Variants in CLPTM1 observed in about 807,000 individuals in gnomAD.
CLPTM1 encodes the protein CLPTM1 regulator of GABA type A receptor forward trafficking.
CLPTM1 carries 21 observed loss-of-function variants against 77.3 expected under a neutral mutation model. That is an observed-to-expected ratio of 0.27 (90% confidence interval 0.19 to 0.39). CLPTM1 has a LOEUF of 0.39. Ranked by LOEUF, CLPTM1 falls within the 10% of genes least tolerant of loss-of-function variation. The pLI is 1.00. For synonymous variants in CLPTM1, 373 were observed against 381.0 expected, an observed-to-expected ratio of 0.98 and a Z score of 0.24; for missense variants, 642 against 921.2, an observed-to-expected ratio of 0.70 and a Z score of 3.92.
chr19:44,968,324 C>G (rs1043492698), intron 2 of CLPTM1, among the ~76,000 whole-genome samples: 1 of 152,070 alleles, frequency 6.6e-6, no homozygotes. Context: ...CGGGTGGCGT[C>G]TGTGTTTTTG....
At chr19:44,969,650 A>G (rs956814060) in intron 2 of CLPTM1, among the ~76,000 whole-genome samples, 4 of 151,624 alleles carry the variant, frequency 2.6e-5, no homozygotes, top group African/African-American at 9.7e-5. Context: ...GGAGAGAAGA[A>G]TAAATCAAGA....
chr19:44,992,109 T>C lies in CLPTM1; in HGVS notation c.1556-124T>C. 1.1e-6 allele frequency: 1 copy of C among 946,306 alleles called. No individual in the cohort carries two copies. 58.6% of individuals were successfully genotyped at this position (946,306 alleles called of 1,614,324 possible). On this transcript the variant is annotated intron_variant, in intron 12 of 13. Transcript: ENST00000337392. The surrounding 1 kb of genome is among the most constrained non-coding windows in gnomAD (Gnocchi z 7.7). Reference sequence around the variant, plus strand: ...AGGCCGCTGGTAGAGTGTGCCCAGGTATAGGAAGTGGTAGAGTGTGCCCAG... The same window carrying C: ...AGGCCGCTGGTAGAGTGTGCCCAGGCATAGGAAGTGGTAGAGTGTGCCCAG...
In CLPTM1 at chr19:44,986,090, G is replaced by A. The variant is rs545891719; in HGVS notation, c.673-365G>A. On this transcript the variant is annotated intron_variant, in intron 6 of 13. Transcript: ENST00000337392. Reference sequence around the variant, plus strand: ...TTGTCAGGGGAGATGGCTCATGCCTGTTTTCCCAGCATTTTGGGAGGCCGA... The same window carrying A: ...TTGTCAGGGGAGATGGCTCATGCCTATTTTCCCAGCATTTTGGGAGGCCGA... Among the ~76,000 whole-genome samples, 3 of 152,314 alleles carry A rather than the reference G, an allele frequency of 2.0e-5. No individual in the cohort carries two copies. In the East Asian group the frequency reaches 5.8e-4, roughly 29 times the overall value.
At chr19:44,988,215 T>TG in intron 9 of CLPTM1, 42 bp downstream of exon 9, 1 of 1,441,374 alleles carries the variant, frequency 6.9e-7, no homozygotes, top group South Asian at 1.1e-5. Flanking sequence ...CTGTGCAGGG[T>TG]GGGGGACAGG....
chr19:44,955,509 CG>C (rs774172806), intron 1 of CLPTM1, 42 bp downstream of exon 1: 9 of 1,228,408 alleles, frequency 7.3e-6, no homozygotes, highest in Non-Finnish European at 3.1e-6. Flanking sequence ...CTTCCCCAGC[CG>C]GGGGGCCTCC....
chr19:44,985,963 C>T (rs953741654), intron 6 of CLPTM1, among the ~76,000 whole-genome samples: 9 of 152,094 alleles, frequency 5.9e-5, no homozygotes, highest in African/African-American at 2.2e-4. Context: ...TGGGAGGATC[C>T]TGTCGGTGGC....
rs1317393765 is a variant in CLPTM1 at position 44,961,954 on chromosome 19, C to A, written c.73-9C>A. ...TCTCCCTCCTTACCCTGGCCTCTGT[C>A]CCCCACAGGTGACCAGCAATGGCAG... On this transcript the variant is annotated splice_polypyrimidine_tract_variant and intron_variant, in intron 1 of 13. Coordinates refer to ENST00000337392, the MANE Select transcript of CLPTM1 (RefSeq NM_001294.4). The A allele has an allele frequency of 6.3e-7, 1 of 1,588,222 alleles. No homozygotes were observed. The highest frequency in any genetic ancestry group is 8.6e-7 in the Non-Finnish European group (1 of 1,168,110).
chr19:44,955,260 A>C (rs1304019036), upstream of CLPTM1: 2 of 1,478,096 alleles, frequency 1.4e-6, no homozygotes, highest in African/African-American at 2.8e-5. Flanking sequence ...GGCCTTCCTG[A>C]GAGGCGTGGC....
Position 44,992,811 on chromosome 19 carries a change from C to T in CLPTM1, c.1924C>T (p.Pro642Ser). The T allele has an allele frequency of 6.2e-7, 1 of 1,613,528 alleles. No individual in the cohort carries two copies. Among genetic ancestry groups the T allele is most frequent in the Non-Finnish European group, 8.5e-7 (1 of 1,179,866 alleles). ...ATREEASTSL[P>S]TKPTQGASSA... ...CAGGGAGGAGGCCTCCACGTCCCTG[C>T]CCACCAAGCCCACCCAGGGGGCCAG... is the stretch of plus-strand genomic sequence containing the variant. The change falls in exon 14 of 14, where the codon CCC (proline) becomes TCC (serine). Residue 642 changes from proline to serine, a missense_variant. By Grantham distance (74) the Pro-to-Ser change is moderately conservative. Coordinates refer to ENST00000337392, the MANE Select transcript of CLPTM1 (RefSeq NM_001294.4). This position sits in a 1 kb window ranked among gnomAD's most constrained non-coding sequence, Gnocchi z 7.7.
In CLPTM1 at chr19:44,992,840, TGCCAGCGAGCCCCAGGAAGCCCCTCCAAA is replaced by T; in HGVS notation, c.1960_1988del (p.Glu654ArgfsTer58). The T allele has an allele frequency of 1.2e-6, 2 of 1,613,592 alleles. No individual in the cohort carries two copies. Among genetic ancestry groups the T allele is most frequent in the Non-Finnish European group, 1.7e-6 (2 of 1,179,850 alleles). On this transcript the variant is annotated frameshift_variant, in exon 14 of 14. Transcript: ENST00000337392. LOFTEE classifies it high-confidence loss of function. This position sits in a 1 kb window ranked among gnomAD's most constrained non-coding sequence, Gnocchi z 7.7. ...CCAAGCCCACCCAGGGGGCCAGCTCTGCCAGCGAGCCCCAGGAAGCCCCTCCAAAGCCAGCAGAGGACAAGAAAAAGGAT... is the reference window on the plus strand; with the variant it reads ...CCAAGCCCACCCAGGGGGCCAGCTCTGCCAGCAGAGGACAAGAAAAAGGAT...
chr19:44,973,124 C>CGAGGGCCGGCCCCT lies in CLPTM1; in HGVS notation c.224_237dup (p.Gln80GlufsTer28). On this transcript the variant is annotated frameshift_variant, in exon 3 of 14. Coordinates refer to ENST00000337392, the MANE Select transcript of CLPTM1 (RefSeq NM_001294.4). LOFTEE classifies it high-confidence loss of function. Reference sequence around the variant, plus strand: ...CTGGGCCATCAGCAGTTGGTTCCGCCGAGGGCCGGCCCCTCAGGACCAGGC... The same window carrying CGAGGGCCGGCCCCT: ...CTGGGCCATCAGCAGTTGGTTCCGCCGAGGGCCGGCCCCTGAGGGCCGGCCCCTCAGGACCAGGC... 2 of 1,613,990 alleles carry CGAGGGCCGGCCCCT rather than the reference C, an allele frequency of 1.2e-6. No homozygotes were observed.
chr19:44,971,623 A>G (rs560618163), intron 2 of CLPTM1, among the ~76,000 whole-genome samples: 1 of 152,058 alleles, frequency 6.6e-6, no homozygotes, highest in African/African-American at 2.4e-5. Flanking sequence ...CAGTGGCGCA[A>G]TCACGTCTCA....
intron 5 of CLPTM1, among the ~76,000 whole-genome samples, chr19:44,982,605 C>T (rs1038681090): frequency 6.6e-6 from 1 of 152,246 alleles, no homozygotes; most frequent in African/African-American, 2.4e-5. Flanking sequence ...CCTCCCCCTC[C>T]ACCAGCCAGC....
At chr19:44,969,151 C>T (rs1970679550) in intron 2 of CLPTM1, among the ~76,000 whole-genome samples, 1 of 152,182 alleles carries the variant, frequency 6.6e-6, no homozygotes, top group South Asian at 2.1e-4. Flanking sequence ...ATGCACCAGG[C>T]TCCATTCTGA....
At chr19:44,960,768 G>A (rs1970532087) in intron 1 of CLPTM1, among the ~76,000 whole-genome samples, 1 of 152,206 alleles carries the variant, frequency 6.6e-6, no homozygotes, top group South Asian at 2.1e-4. Flanking sequence ...GAGCGTCCGG[G>A]GTGAGTCCTT....
intron 4 of CLPTM1, among the ~76,000 whole-genome samples, chr19:44,975,566 G>T (rs1158799455): frequency 8.7e-4 from 131 of 150,462 alleles, no homozygotes; most frequent in African/African-American, 1.9e-3. Flanking sequence ...TTTTTTTTTT[G>T]TTTTTTGTTT....
At chr19:44,987,015 T>C in intron 7 of CLPTM1, 164 bp from the exon 8 acceptor site, 1 of 902,708 alleles carries the variant, frequency 1.1e-6, no homozygotes, top group Non-Finnish European at 1.7e-6. Context: ...TCCCCTCTGC[T>C]GAGGTCAAGG....
Position 44,955,421 on chromosome 19 carries a change from G to C in CLPTM1, c.26G>C (p.Gly9Ala), listed in dbSNP as rs981082621. MAAAQEADGARSAVVAAGG... is the reference protein window; with the variant it reads MAAAQEADAARSAVVAAGG... ...ATGGCGGCGGCGCAGGAGGCGGACG[G>C]GGCCCGCAGCGCCGTGGTGGCGGCC... The change falls in exon 1 of 14, where the codon GGG (glycine) becomes GCG (alanine). Residue 9 changes from glycine to alanine, a missense_variant. Physicochemically the swap from Gly to Ala is moderately conservative, Grantham distance 60 (BLOSUM62 0). Coordinates refer to ENST00000337392, the MANE Select transcript of CLPTM1 (RefSeq NM_001294.4). 1.5e-5 allele frequency: 20 copies of C among 1,336,888 alleles called. No individual in the cohort carries two copies. Among genetic ancestry groups the C allele is most frequent in the Non-Finnish European group, 1.9e-5 (20 of 1,043,474 alleles). The allele number at this position is 1,336,888 out of a possible 1,614,324, so 82.8% of individuals were successfully genotyped here. A position where few individuals can be genotyped will look rare whatever the true frequency, so the allele number is the denominator to read the frequency against.
chr19:44,971,126 C>T (rs945055644), intron 2 of CLPTM1, among the ~76,000 whole-genome samples: 2 of 152,038 alleles, frequency 1.3e-5, no homozygotes, highest in African/African-American at 4.8e-5. Context: ...CCACCGCGCC[C>T]GGCCGATCCT....
Sources: allele counts gnomAD v4.1 joint callset (sites outside exome capture counted in the v4.1 genomes callset), GRCh38; gene constraint gnomAD v4.1.1; non-coding constraint Gnocchi (gnomAD v3.1); transcripts MANE v1.5; gene names NCBI Gene and HGNC (gene_info 2026-07-23, HGNC 2026-07-21).